AASS: variants seen among roughly 807,000 people sequenced by gnomAD.
AASS encodes alpha-aminoadipic semialdehyde synthase, mitochondrial.
AASS carries 86 observed loss-of-function variants against 105.4 expected under a neutral mutation model. That is an observed-to-expected ratio of 0.82 (90% CI 0.69 to 0.98). AASS has a LOEUF of 0.98. Ranked by LOEUF, AASS falls within the 50% of genes least tolerant of loss-of-function variation. The pLI, the probability that AASS is intolerant of heterozygous loss-of-function variation, is 0.00. For missense variants in AASS, 1,048 were observed against 1,143.2 expected, an observed-to-expected ratio of 0.92 and a Z score of 1.20; for synonymous variants, 381 against 394.8, an observed-to-expected ratio of 0.96 and a Z score of 0.41.
At chr7:122,101,580 A>T in intron 12 of AASS, 41 bp downstream of exon 12, 1 of 1,567,944 alleles carries the variant, frequency 6.4e-7, no homozygotes, top group Non-Finnish European at 8.8e-7. Flanking sequence ...AATGGTAGTA[A>T]AAAAATACAT....
Position 122,133,565 on chromosome 7 carries a change from T to A in AASS, c.162A>T (p.Gly54=). The A allele has an allele frequency of 6.2e-7, 1 of 1,614,200 alleles. No homozygotes were observed. The highest frequency in any genetic ancestry group is 8.5e-7 in the Non-Finnish European group (1 of 1,180,036). Residue 54 remains glycine (G), a synonymous_variant, in exon 2 of 24, where the codon GGA becomes GGT. Coordinates refer to ENST00000417368, the MANE Select transcript of AASS (RefSeq NM_005763.4). ...PKHIKGITNL[G]YKVLIQPSNR... is the part of the protein sequence containing the mutation. ...TCGAAGGCTGTATCAAGACCTTGTA[T>A]CCCAGATTGGTGATGCCTTTGATGT...
At chr7:122,131,578 G>C (rs1026553244) in intron 2 of AASS, among the ~76,000 whole-genome samples, 5 of 151,712 alleles carry the variant, frequency 3.3e-5, no homozygotes, top group African/African-American at 9.7e-5. Context: ...TTTTCCTCTG[G>C]AGGTCTTTTA....
chr7:122,126,046 A>G (rs967263870), intron 4 of AASS, among the ~76,000 whole-genome samples: 10 of 151,738 alleles, frequency 6.6e-5, no homozygotes, highest in African/African-American at 2.2e-4. Flanking sequence ...TTCCCTTTCT[A>G]TTTCTCCCTA....
chr7:122,109,589 T>C (rs1794834926), intron 11 of AASS, among the ~76,000 whole-genome samples: 1 of 151,922 alleles, frequency 6.6e-6, no homozygotes, highest in South Asian at 2.1e-4. Flanking sequence ...GAAAATTGGA[T>C]ATCTACATTC....
chr7:122,087,211 A>G (rs989942933), intron 18 of AASS, among the ~76,000 whole-genome samples: 1 of 152,156 alleles, frequency 6.6e-6, no homozygotes, highest in South Asian at 2.1e-4. Flanking sequence ...GCTAAACTTA[A>G]TGATTCTCAT....
At chr7:122,105,831 G>T (rs1018504535) in intron 11 of AASS, among the ~76,000 whole-genome samples, 25 of 151,940 alleles carry the variant, frequency 1.6e-4, no homozygotes, top group African/African-American at 5.8e-4. Context: ...AGAAAAACAG[G>T]AACAAACTGA....
chr7:122,137,629 C>T (rs1287410983), intron 1 of AASS, among the ~76,000 whole-genome samples: 5 of 152,146 alleles, frequency 3.3e-5, no homozygotes, highest in African/African-American at 1.2e-4. Flanking sequence ...TTGGTCTCAG[C>T]ATAGAACTTT....
chr7:122,138,693 A>G (rs951225879), intron 1 of AASS, among the ~76,000 whole-genome samples: 2 of 152,204 alleles, frequency 1.3e-5, no homozygotes, highest in African/African-American at 4.8e-5. Flanking sequence ...TCAAGGTGGC[A>G]AGACTTAATC....
intron 4 of AASS, among the ~76,000 whole-genome samples, chr7:122,121,266 T>A (rs1444274210): frequency 6.6e-6 from 1 of 152,212 alleles, no homozygotes; most frequent in Non-Finnish European, 1.5e-5. Context: ...TAAAATAAAC[T>A]TGTTACAAAA....
intron 1 of AASS, among the ~76,000 whole-genome samples, chr7:122,139,340 G>A (rs1170207125): frequency 6.6e-6 from 1 of 152,136 alleles, no homozygotes. Context: ...CCATGTTCAG[G>A]ATTAGTTTTA....
chr7:122,107,181 A>T (rs1005876507), intron 11 of AASS, among the ~76,000 whole-genome samples: 1 of 152,196 alleles, frequency 6.6e-6, no homozygotes, highest in Non-Finnish European at 1.5e-5. Flanking sequence ...TCAAAACCAC[A>T]ATGAGATACC....
intron 11 of AASS, among the ~76,000 whole-genome samples, chr7:122,109,565 A>G (rs1562972608): frequency 6.6e-6 from 1 of 152,138 alleles, no homozygotes; most frequent in African/African-American, 2.4e-5. Context: ...AGTCTCTTCA[A>G]TAAATGGTGC....
chr7:122,126,575 T>A, intron 3 of AASS, 116 bp from the exon 4 acceptor site: 1 of 875,660 alleles, frequency 1.1e-6, no homozygotes, highest in Non-Finnish European at 1.9e-6. Context: ...CACCTTAACT[T>A]GCTAACAGAA....
intron 13 of AASS, among the ~76,000 whole-genome samples, chr7:122,100,941 T>C (rs1471095193): frequency 6.6e-6 from 1 of 151,864 alleles, no homozygotes; most frequent in Non-Finnish European, 1.5e-5. Flanking sequence ...ACGAATTCAC[T>C]TCCCTGAACA....
At chr7:122,090,044 C>A (rs1256895795) in intron 18 of AASS, among the ~76,000 whole-genome samples, 1 of 152,116 alleles carries the variant, frequency 6.6e-6, no homozygotes, top group Non-Finnish European at 1.5e-5. Context: ...CTGGTCCAAA[C>A]CTTCATGATT....
intron 18 of AASS, among the ~76,000 whole-genome samples, chr7:122,087,998 C>A (rs1031312741): frequency 6.6e-6 from 1 of 152,078 alleles, no homozygotes; most frequent in African/African-American, 2.4e-5. Flanking sequence ...TAATCATTGT[C>A]ATTTGATATT....
intron 20 of AASS, 54 bp downstream of exon 20, chr7:122,081,446 T>G (rs1171471983): frequency 1.4e-6 from 2 of 1,380,820 alleles, no homozygotes; most frequent in Non-Finnish European, 2.1e-6. Flanking sequence ...CCCCGACCAT[T>G]TCAGAAGGTA....
intron 4 of AASS, among the ~76,000 whole-genome samples, chr7:122,125,831 A>C (rs1218409294): frequency 6.6e-6 from 1 of 152,206 alleles, no homozygotes; most frequent in Non-Finnish European, 1.5e-5. Context: ...AAGTCTTTGA[A>C]GAGGAACCTC....
intron 4 of AASS, among the ~76,000 whole-genome samples, chr7:122,125,731 G>A (rs1157155356): frequency 6.6e-6 from 1 of 152,220 alleles, no homozygotes; most frequent in Non-Finnish European, 1.5e-5. Flanking sequence ...ACCAGTATAA[G>A]CCTGCCGGGG....
Sources: gnomAD v4.1 joint callset for allele counts (sites outside exome capture counted in the v4.1 genomes callset) on GRCh38, gnomAD v4.1.1 for gene constraint, MANE v1.5 for transcripts, NCBI Gene and HGNC (gene_info 2026-07-23, HGNC 2026-07-21) for gene names.